The following KYAT1 variants were observed in gnomAD, a reference collection of about 807,000 sequenced individuals.
The protein encoded by KYAT1 is kynurenine aminotransferase 1, also known as kynurenine--oxoglutarate transaminase 1.
KYAT1 carries 47 observed loss-of-function variants against 52.4 expected under a neutral mutation model. That is an observed-to-expected ratio of 0.90 (90% confidence interval 0.71 to 1.14). The LOEUF (loss-of-function observed/expected upper bound fraction) is 1.14. KYAT1 is among the 50% of genes most tolerant of loss of function. KYAT1 has a pLI of 0.00. For synonymous variants in KYAT1, 212 were observed against 209.6 expected, an observed-to-expected ratio of 1.01 and a Z score of -0.10; for missense variants, 480 against 557.9, an observed-to-expected ratio of 0.86 and a Z score of 1.41.
chr9:128,839,253 C>T (rs573103663), intron 3 of KYAT1, among the ~76,000 whole-genome samples: 14 of 152,154 alleles, frequency 9.2e-5, no homozygotes, highest in South Asian at 2.1e-4. Context: ...TGTGAGCCAC[C>T]GTGCCTGGCC....
chr9:128,860,479 C>A (rs765738613), intron 1 of KYAT1: 5 of 152,044 alleles, frequency 3.3e-5, no homozygotes, highest in African/African-American at 1.2e-4. Flanking sequence ...TACCTTTCTG[C>A]CTCTCCAGTT....
intron 8 of KYAT1, 46 bp downstream of exon 8, chr9:128,835,951 C>T (rs1405217336): frequency 6.2e-7 from 1 of 1,601,630 alleles, no homozygotes; most frequent in Non-Finnish European, 8.6e-7. Flanking sequence ...CCTCACTTGC[C>T]AAGGATCTTG....
chr9:128,836,669 G>A (rs1564448850), intron 7 of KYAT1, 133 bp downstream of exon 7: 2 of 1,022,010 alleles, frequency 2.0e-6, no homozygotes, highest in Non-Finnish European at 2.8e-6. Context: ...TGTACTCTGG[G>A]AGGCAAAGGT....
intron 1 of KYAT1, chr9:128,845,631 C>G: frequency 1.8e-6 from 1 of 548,586 alleles, no homozygotes; most frequent in Non-Finnish European, 3.3e-6. Context: ...CCAGCAGCCT[C>G]CACCTCCCCA....
chr9:128,845,828 C>T (rs930056474), intron 1 of KYAT1, among the ~76,000 whole-genome samples: 3 of 152,190 alleles, frequency 2.0e-5, no homozygotes, highest in Non-Finnish European at 4.4e-5. Flanking sequence ...GCAGCAGCCT[C>T]CACTTACAGA....
At chr9:128,835,148 A>AC (rs1830806886) in intron 11 of KYAT1, 175 bp downstream of exon 11, 1 of 643,534 alleles carries the variant, frequency 1.6e-6, no homozygotes, top group African/African-American at 1.8e-5. Flanking sequence ...CAAAAAAAAA[A>AC]AAGAAAGAAA....
At chr9:128,835,125 A>C in intron 11 of KYAT1, 198 bp downstream of exon 11, 4 of 577,056 alleles carry the variant, frequency 6.9e-6, no homozygotes, top group East Asian at 3.0e-5. Context: ...CAAGAGTGAG[A>C]CTCCATCTCA....
At chr9:128,852,183 GAA>G (rs1470635699) in intron 1 of KYAT1, among the ~76,000 whole-genome samples, 2 of 152,176 alleles carry the variant, frequency 1.3e-5, no homozygotes, top group Non-Finnish European at 2.9e-5. Flanking sequence ...TTGTAATTCA[GAA>G]AAAATCAGGC....
chr9:128,856,780 T>C lies in KYAT1; in HGVS notation c.-6-11369A>G, dbSNP rs572936551. Reference sequence around the variant, plus strand: ...GCGGAAAGCCGCACGGACCTCTGCCTTGGAAAGCCACGTATTGTCCAAGGT... The same window carrying C: ...GCGGAAAGCCGCACGGACCTCTGCCCTGGAAAGCCACGTATTGTCCAAGGT... On this transcript the variant is annotated intron_variant, in intron 1 of 12. Coordinates refer to ENST00000302586, the MANE Select transcript of KYAT1 (RefSeq NM_004059.5). Among the ~76,000 whole-genome samples, 6 of 152,364 alleles carry C rather than the reference T, an allele frequency of 3.9e-5. 1 individual carries two copies. The East Asian group carries it at 9.6e-4, about 24-fold the overall frequency.
intron 3 of KYAT1, among the ~76,000 whole-genome samples, chr9:128,839,778 C>A (rs910963506): frequency 6.6e-6 from 1 of 152,254 alleles, no homozygotes; most frequent in Non-Finnish European, 1.5e-5. Context: ...ACAGGCCAGG[C>A]ACCGTGGCTC....
chr9:128,857,950 A>G (rs1834894198), intron 1 of KYAT1, among the ~76,000 whole-genome samples: 1 of 152,230 alleles, frequency 6.6e-6, no homozygotes, highest in Non-Finnish European at 1.5e-5. Flanking sequence ...TAACATCCAA[A>G]GCATACACAA....
At chr9:128,872,644 G>C (rs1247750425) in intron 1 of KYAT1, among the ~76,000 whole-genome samples, 1 of 151,924 alleles carries the variant, frequency 6.6e-6, no homozygotes, top group Non-Finnish European at 1.5e-5. Context: ...GCACTCACCT[G>C]TAATCCCGGC....
At chr9:128,861,456 C>T (rs1341949430) in intron 1 of KYAT1, among the ~76,000 whole-genome samples, 1 of 152,208 alleles carries the variant, frequency 6.6e-6, no homozygotes, top group African/African-American at 2.4e-5. Flanking sequence ...GAGGCCTCCC[C>T]AGCCATGAGG....
chr9:128,873,664 C>T lies in KYAT1; in HGVS notation c.-7+8233G>A, dbSNP rs1028133641. On this transcript the variant is annotated intron_variant, in intron 1 of 12. Transcript: ENST00000302586. Reference sequence around the variant, plus strand: ...GTGGCAGGTGCCTGTAATCCCATCCCAGCTACTTGGGAGGCTGAGGCAGGA... The same window carrying T: ...GTGGCAGGTGCCTGTAATCCCATCCTAGCTACTTGGGAGGCTGAGGCAGGA... Among the ~76,000 whole-genome samples the T allele has an allele frequency of 2.6e-5, 4 of 151,954 alleles. No individual in the cohort carries two copies. The East Asian group carries it at 7.7e-4, about 29-fold the overall frequency.
chr9:128,833,500 G>T lies in KYAT1; in HGVS notation c.*84C>A. ...ATAGCATCTTCCCCAACCTAGAAAT[G>T]TCTGAAACCTGGACAAAGACAGACA... On this transcript the variant is annotated 3_prime_UTR_variant, in exon 13 of 13. Coordinates refer to ENST00000302586, the MANE Select transcript of KYAT1 (RefSeq NM_004059.5). 2 of 1,396,034 alleles carry T rather than the reference G, an allele frequency of 1.4e-6. No individual in the cohort carries two copies. Among genetic ancestry groups the T allele is most frequent in the Non-Finnish European group, 2.0e-6 (2 of 983,082 alleles). 86.5% of individuals were successfully genotyped at this position (1,396,034 alleles called of 1,614,324 possible). A position where few individuals can be genotyped will look rare whatever the true frequency, so the allele number is the denominator to read the frequency against.
intron 1 of KYAT1, among the ~76,000 whole-genome samples, chr9:128,865,513 C>T (rs962179936): frequency 4.0e-5 from 6 of 150,330 alleles, no homozygotes; most frequent in Admixed American, 2.7e-4. Flanking sequence ...CAGGCATGCA[C>T]CACCACACCA....
intron 11 of KYAT1, chr9:128,835,029 C>T (rs537884143): frequency 1.0e-5 from 4 of 387,078 alleles, no homozygotes; most frequent in Admixed American, 4.4e-5. Context: ...CCCAGCTACT[C>T]GGGAGGCTGA....
chr9:128,854,210 AC>A (rs1182394423), intron 1 of KYAT1, among the ~76,000 whole-genome samples: 2 of 152,228 alleles, frequency 1.3e-5, no homozygotes, highest in African/African-American at 4.8e-5. Flanking sequence ...AATTGGTTAA[AC>A]AAAAAAAGGA....
intron 1 of KYAT1, among the ~76,000 whole-genome samples, chr9:128,873,092 AAAG>A (rs984768568): frequency 6.6e-6 from 1 of 151,616 alleles, no homozygotes; most frequent in Non-Finnish European, 1.5e-5. Context: ...AAAAAAAAAA[AAAG>A]ACCATGTAAA....
Sources: gnomAD v4.1 joint callset for allele counts (sites outside exome capture counted in the v4.1 genomes callset) on GRCh38, gnomAD v4.1.1 for gene constraint, MANE v1.5 for transcripts, NCBI Gene and HGNC (gene_info 2026-07-23, HGNC 2026-07-21) for gene names.